The following DVL3 variants were observed in gnomAD, a reference collection of about 807,000 sequenced individuals.
DVL3 encodes the protein segment polarity protein dishevelled homolog DVL-3.
A neutral mutation model predicts 67.4 loss-of-function variants in DVL3; 27 were observed. The observed-to-expected ratio is 0.40, with a 90% CI of 0.30 to 0.55. DVL3 has a LOEUF of 0.55. Among genes scored for constraint, DVL3 ranks in the 20% least tolerant of loss-of-function variants. DVL3 has a pLI of 0.46. For synonymous variants in DVL3, 369 were observed against 396.8 expected, an observed-to-expected ratio of 0.93 and a Z score of 0.83; for missense variants, 819 against 1,021.5, an observed-to-expected ratio of 0.80 and a Z score of 2.70.
rs1714164301 is a variant in DVL3 at position 184,155,852 on chromosome 3, G to C, written c.161+56G>C. 1 of 1,545,766 alleles carries C rather than the reference G, an allele frequency of 6.5e-7. No individual in the cohort carries two copies. The highest frequency in any genetic ancestry group is 1.4e-5 in the African/African-American group (1 of 72,362). ...GCCCCGGCCGCTCTGGCTTCTAAGG[G>C]ATGACGCGGTCCGTTTCGACTTGCC... On this transcript the variant is annotated intron_variant, in intron 1 of 14. Transcript: ENST00000313143. The surrounding 1 kb of genome is among the most constrained non-coding windows in gnomAD (Gnocchi z 5.4).
At chr3:184,159,031 C>T (rs2109018514) in intron 1 of DVL3, among the ~76,000 whole-genome samples, 1 of 149,348 alleles carries the variant, frequency 6.7e-6, no homozygotes, top group Non-Finnish European at 1.5e-5. Context: ...CCACCTCGGC[C>T]TCCCCAAGTG....
rs1168470151 is a variant in DVL3 at position 184,171,390 on chromosome 3, G to C, written c.*635G>C. ...GCCCAGAGGGCCCCCTCAGTTGCCT[G>C]AGCAGCTGGTGGCTTCCAGGGAGCA... On this transcript the variant is annotated 3_prime_UTR_variant, in exon 15 of 15. Coordinates refer to ENST00000313143, the MANE Select transcript of DVL3 (RefSeq NM_004423.4). 3.0e-6 allele frequency: 3 copies of C among 998,306 alleles called. No individual in the cohort carries two copies. Among genetic ancestry groups the C allele is most frequent in the East Asian group, 1.1e-4 (1 of 8,940 alleles). The allele number at this position is 998,306 out of a possible 1,614,324, so 61.8% of individuals were successfully genotyped here.
intron 13 of DVL3, among the ~76,000 whole-genome samples, chr3:184,169,150 G>T (rs989098195): frequency 1.3e-5 from 2 of 152,190 alleles, no homozygotes; most frequent in African/African-American, 2.4e-5. Flanking sequence ...AGGTGAAGGG[G>T]TGGGTAACAC....
At position 184,164,974 on chromosome 3, in the gene DVL3, G is replaced by T. The variant is rs369764519; in HGVS notation, c.599+43G>T. The stretch of plus-strand genomic sequence containing the variant: ...TGGGTATTGTGGGGCAGGTGACCCT[G>T]GAGGAGCCCTAAACCCTGAGGATGC... On this transcript the variant is annotated intron_variant, in intron 5 of 14. Coordinates refer to ENST00000313143, the MANE Select transcript of DVL3 (RefSeq NM_004423.4). This position sits in a 1 kb window ranked among gnomAD's most constrained non-coding sequence, Gnocchi z 5.3. 3.4e-5 allele frequency: 55 copies of T among 1,613,370 alleles called. No homozygotes were observed. The highest frequency in any genetic ancestry group is 1.6e-4 in the Middle Eastern group (1 of 6,082).
At chr3:184,168,189 G>A in intron 13 of DVL3, 124 bp downstream of exon 13, 1 of 1,119,076 alleles carries the variant, frequency 8.9e-7, no homozygotes, top group Non-Finnish European at 1.3e-6. Flanking sequence ...CCCAATTCAA[G>A]GCCTGAGAGT....
chr3:184,167,221 G>A lies in DVL3; in HGVS notation c.1198+246G>A, dbSNP rs149796849. The stretch of plus-strand genomic sequence containing the variant: ...TTTCCTCTTACAAAATGGGACTCAC[G>A]ATATAAACTTTACCAGGTTCCTGTG... On this transcript the variant is annotated intron_variant, in intron 11 of 14. Coordinates refer to ENST00000313143, the MANE Select transcript of DVL3 (RefSeq NM_004423.4). This position sits in a 1 kb window ranked among gnomAD's most constrained non-coding sequence, Gnocchi z 4.6. 1.9e-4 allele frequency among the ~76,000 whole-genome samples: 29 copies of A among 152,276 alleles called. No homozygotes were observed. The highest frequency in any genetic ancestry group is 1.4e-3 in the East Asian group (7 of 5,184).
In DVL3 at chr3:184,171,491, C is replaced by G. The variant is rs1038375670; in HGVS notation, c.*736C>G. ...ACCCCTAACCCTACTAACCAGCAGG[C>G]TCATCTCACCTCCAGGCCTGAAACA... On this transcript the variant is annotated 3_prime_UTR_variant, in exon 15 of 15. Coordinates refer to ENST00000313143, the MANE Select transcript of DVL3 (RefSeq NM_004423.4). 1 of 985,992 alleles carries G rather than the reference C, an allele frequency of 1.0e-6. No individual in the cohort carries two copies. Among genetic ancestry groups the G allele is most frequent in the Non-Finnish European group, 1.2e-6 (1 of 830,018 alleles). 61.1% of individuals were successfully genotyped at this position (985,992 alleles called of 1,614,324 possible). A position where few individuals can be genotyped will look rare whatever the true frequency, so the allele number is the denominator to read the frequency against.
intron 1 of DVL3, among the ~76,000 whole-genome samples, chr3:184,160,899 C>G (rs904059498): frequency 6.6e-6 from 1 of 152,202 alleles, no homozygotes; most frequent in African/African-American, 2.4e-5. Flanking sequence ...TCTGAGCTAC[C>G]TCTGTGTCCC....
In DVL3 at chr3:184,171,065, C is replaced by G. The variant is rs1351533856; in HGVS notation, c.*310C>G. 1.6e-6 allele frequency: 2 copies of G among 1,279,112 alleles called. No individual in the cohort carries two copies. The highest frequency in any genetic ancestry group is 3.1e-5 in the African/African-American group (2 of 65,462). The allele number at this position is 1,279,112 out of a possible 1,614,324, so 79.2% of individuals were successfully genotyped here. On this transcript the variant is annotated 3_prime_UTR_variant, in exon 15 of 15. Transcript: ENST00000313143. ...GCTACCCCTTACTCCCCTCTGCAAC[C>G]CCCATTTTGGGAGTTGACCCCAGCA...
In DVL3 at chr3:184,164,321, C is replaced by G. The variant is rs754830767; in HGVS notation, c.286C>G (p.Pro96Ala). The G allele has an allele frequency of 1.2e-6, 2 of 1,614,150 alleles. No individual in the cohort carries two copies. Among genetic ancestry groups the G allele is most frequent in the Non-Finnish European group, 8.5e-7 (1 of 1,179,998 alleles). The change falls in exon 3 of 15, where the codon CCA becomes GCA. Residue 96 changes from proline (P) to alanine (A), a missense_variant. By Grantham distance (27) the Pro-to-Ala change is conservative (BLOSUM62 -1). This residue lies in a region of DVL3 where 385 missense variants were observed against 486.8 expected (regional missense o/e 0.79). Coordinates refer to ENST00000313143, the MANE Select transcript of DVL3 (RefSeq NM_004423.4). This position sits in a 1 kb window ranked among gnomAD's most constrained non-coding sequence, Gnocchi z 5.3. ...CCCAGCCCCCTTCTGTGCTGATAACCCATCGGAGCTGCCACCACCTATGGA... is the reference window on the plus strand; with the variant it reads ...CCCAGCCCCCTTCTGTGCTGATAACGCATCGGAGCTGCCACCACCTATGGA... ...PDPAPFCADNPSELPPPMERT... is the reference protein window; with the variant it reads ...PDPAPFCADNASELPPPMERT...
At chr3:184,159,950 T>C (rs1282900686) in intron 1 of DVL3, among the ~76,000 whole-genome samples, 1 of 151,956 alleles carries the variant, frequency 6.6e-6, no homozygotes, top group African/African-American at 2.4e-5. Flanking sequence ...TTTTATTGTA[T>C]GTTTTTTGAG....
Position 184,167,859 on chromosome 3 carries a change from C to G in DVL3, c.1331-39C>G, listed in dbSNP as rs1244744117. 1 of 1,613,702 alleles carries G rather than the reference C, an allele frequency of 6.2e-7. No homozygotes were observed. Among genetic ancestry groups the G allele is most frequent in the African/African-American group, 1.3e-5 (1 of 74,946 alleles). On this transcript the variant is annotated intron_variant, in intron 12 of 14. Coordinates refer to ENST00000313143, the MANE Select transcript of DVL3 (RefSeq NM_004423.4). This position sits in a 1 kb window ranked among gnomAD's most constrained non-coding sequence, Gnocchi z 4.6. Reference sequence around the variant, plus strand: ...TCTGTGAGGCCAGATGAGTCCAAGTCAGATGGGCCTCCCCATCAACTGGCA... The same window carrying G: ...TCTGTGAGGCCAGATGAGTCCAAGTGAGATGGGCCTCCCCATCAACTGGCA...
At position 184,155,699 on chromosome 3, in the gene DVL3, C is replaced by T; in HGVS notation, c.64C>T (p.Pro22Ser). The T allele has an allele frequency of 1.9e-6, 3 of 1,612,986 alleles. No homozygotes were observed. Among genetic ancestry groups the T allele is most frequent in the Non-Finnish European group, 2.5e-6 (3 of 1,179,752 alleles). Residue 22 changes from proline (P) to serine (S), a missense_variant, in exon 1 of 15, where the codon CCC becomes TCC. By Grantham distance (74) the Pro-to-Ser change is moderately conservative. Coordinates refer to ENST00000313143, the MANE Select transcript of DVL3 (RefSeq NM_004423.4). This position sits in a 1 kb window ranked among gnomAD's most constrained non-coding sequence, Gnocchi z 5.4. Reference protein sequence around the residue: ...GQETPYLVKLPLPAERVTLAD... With the variant: ...GQETPYLVKLSLPAERVTLAD... The stretch of plus-strand genomic sequence containing the variant: ...GGAGACGCCGTACCTTGTGAAGCTG[C>T]CCCTGCCCGCCGAGCGCGTCACCTT...
chr3:184,165,340 G>C lies in DVL3; in HGVS notation c.694-82G>C. On this transcript the variant is annotated intron_variant, in intron 6 of 14. Coordinates refer to ENST00000313143, the MANE Select transcript of DVL3 (RefSeq NM_004423.4). The surrounding 1 kb of genome is among the most constrained non-coding windows in gnomAD (Gnocchi z 4.1). ...GAACCTTGGGGCTGGGGGCTGCACCGGGGACTCACCTTGAGGAGGAGTCAG... is the reference window on the plus strand; with the variant it reads ...GAACCTTGGGGCTGGGGGCTGCACCCGGGACTCACCTTGAGGAGGAGTCAG... The C allele has an allele frequency of 1.9e-6, 3 of 1,542,984 alleles. No individual in the cohort carries two copies. Among genetic ancestry groups the C allele is most frequent in the Middle Eastern group, 1.7e-4 (1 of 5,746 alleles).
rs181138555 is a variant in DVL3, at chr3:184,171,550, C to T, written c.*795C>T. 362 of 986,046 alleles carry T rather than the reference C, an allele frequency of 3.7e-4. No individual in the cohort carries two copies. In the African/African-American group the frequency reaches 6.2e-3, roughly 17 times the overall value. 61.1% of individuals were successfully genotyped at this position (986,046 alleles called of 1,614,324 possible). The stretch of plus-strand genomic sequence containing the variant: ...CTTTCTTTTTTCCTCCCCCAATTTA[C>T]CCTGGGCCTGGAGCAGCCAAGAATT... On this transcript the variant is annotated 3_prime_UTR_variant, in exon 15 of 15. Transcript: ENST00000313143.
In DVL3 at chr3:184,161,245, G is replaced by A. The variant is rs537316989; in HGVS notation, c.162-2412G>A. 1.8e-4 allele frequency among the ~76,000 whole-genome samples: 27 copies of A among 152,276 alleles called. No individual in the cohort carries two copies. In the East Asian group the frequency reaches 4.6e-3, roughly 26 times the overall value. The stretch of plus-strand genomic sequence containing the variant: ...AGTTCAAGACCACCCTGGCCAACAC[G>A]GTGAAACCCTATCTCTACTAAAAAT... On this transcript the variant is annotated intron_variant, in intron 1 of 14. Transcript: ENST00000313143.
At position 184,170,450 on chromosome 3, in the gene DVL3, C is replaced by A; in HGVS notation, c.1846C>A (p.Pro616Thr). 1 of 1,583,204 alleles carries A rather than the reference C, an allele frequency of 6.3e-7. No homozygotes were observed. Among genetic ancestry groups the A allele is most frequent in the Non-Finnish European group, 8.6e-7 (1 of 1,165,854 alleles). The change falls in exon 15 of 15, where the codon CCG becomes ACG. Residue 616 changes from proline (P) to threonine (T), a missense_variant. This residue lies in a region of DVL3 where 324 missense variants were observed against 331.3 expected (regional missense o/e 0.98). Transcript: ENST00000313143. This position sits in a 1 kb window ranked among gnomAD's most constrained non-coding sequence, Gnocchi z 6.5. ...CACCACACGCAGCAGCCTGCGGGGGCCGCGGGAGCGGGCGCCCAGCGAGCG... is the reference window on the plus strand; with the variant it reads ...CACCACACGCAGCAGCCTGCGGGGGACGCGGGAGCGGGCGCCCAGCGAGCG... ...DHTTRSSLRGPRERAPSERSG... is the reference protein window; with the variant it reads ...DHTTRSSLRGTRERAPSERSG...
chr3:184,167,056 G>T lies in DVL3; in HGVS notation c.1198+81G>T. 1 of 1,527,682 alleles carries T rather than the reference G, an allele frequency of 6.5e-7. No individual in the cohort carries two copies. 94.6% of individuals were successfully genotyped at this position (1,527,682 alleles called of 1,614,324 possible). On this transcript the variant is annotated intron_variant, in intron 11 of 14. Coordinates refer to ENST00000313143, the MANE Select transcript of DVL3 (RefSeq NM_004423.4). This position sits in a 1 kb window ranked among gnomAD's most constrained non-coding sequence, Gnocchi z 4.6. ...GATGAGGGTCCATGTGGAGACTCTT[G>T]CTTGAGCATCAGAGAGGGCTGGAGA...
rs200888533 is a variant in DVL3 at position 184,155,831 on chromosome 3, C to T, written c.161+35C>T. On this transcript the variant is annotated intron_variant, in intron 1 of 14. Transcript: ENST00000313143. This position sits in a 1 kb window ranked among gnomAD's most constrained non-coding sequence, Gnocchi z 5.4. ...GCCCCCGCCCCGCCTCCGGGAGCCCCGGCCGCTCTGGCTTCTAAGGGATGA... is the reference window on the plus strand; with the variant it reads ...GCCCCCGCCCCGCCTCCGGGAGCCCTGGCCGCTCTGGCTTCTAAGGGATGA... 1.3e-6 allele frequency: 2 copies of T among 1,576,852 alleles called. No individual in the cohort carries two copies. Among genetic ancestry groups the T allele is most frequent in the African/African-American group, 1.4e-5 (1 of 73,328 alleles).
Sources: gnomAD v4.1 joint callset for allele counts (sites outside exome capture counted in the v4.1 genomes callset) on GRCh38, gnomAD v4.1.1 for gene constraint, gnomAD v4.1.1 regional missense constraint, Gnocchi (gnomAD v3.1) non-coding constraint, MANE v1.5 for transcripts, NCBI Gene and HGNC (gene_info 2026-07-23, HGNC 2026-07-21) for gene names.